The following SERPING1 variants were observed in gnomAD, a reference collection of about 807,000 sequenced individuals.
SERPING1 encodes serpin family G member 1.
In SERPING1, 5 loss-of-function variants were observed where a neutral mutation model predicts 34.1. That is an observed-to-expected ratio of 0.15 (90% CI 0.08 to 0.31). The LOEUF (loss-of-function observed/expected upper bound fraction) is 0.31. SERPING1 is among the 10% of genes least tolerant of loss of function. SERPING1 has a pLI of 1.00. For synonymous variants in SERPING1, 225 were observed against 242.4 expected, an observed-to-expected ratio of 0.93 and a Z score of 0.67; for missense variants, 505 against 609.5, an observed-to-expected ratio of 0.83 and a Z score of 1.81.
chr11:57,612,403 CTTT>C (rs1175159358), intron 7 of SERPING1, among the ~76,000 whole-genome samples: 6 of 135,202 alleles, frequency 4.4e-5, no homozygotes, highest in Non-Finnish European at 3.2e-5. Flanking sequence ...ACTCCATTTT[CTTT>C]TTTTTTTTTT....
intron 1 of SERPING1, 59 bp from the exon 2 acceptor site, chr11:57,598,190 G>C: frequency 7.2e-7 from 1 of 1,392,020 alleles, no homozygotes; most frequent in South Asian, 1.3e-5. Flanking sequence ...CCCCGGGCGG[G>C]GTGGGGGCCC....
intron 4 of SERPING1, among the ~76,000 whole-genome samples, chr11:57,603,233 C>CAA (rs1450085486): frequency 8.2e-6 from 1 of 122,168 alleles, no homozygotes; most frequent in African/African-American, 3.0e-5. Context: ...AACTCTGTCT[C>CAA]AAAAAAAAAA....
intron 7 of SERPING1, among the ~76,000 whole-genome samples, chr11:57,612,795 A>G (rs1359851370): frequency 6.6e-6 from 1 of 151,770 alleles, no homozygotes; most frequent in Non-Finnish European, 1.5e-5. Context: ...CCCAGGCTGG[A>G]GCGCAGTGGC....
chr11:57,612,695 G>A (rs1325082502), intron 7 of SERPING1, among the ~76,000 whole-genome samples: 1 of 151,834 alleles, frequency 6.6e-6, no homozygotes, highest in African/African-American at 2.4e-5. Flanking sequence ...GGGATTACAG[G>A]CATGAGTCAC....
At chr11:57,604,368 T>C (rs1256719607) in intron 4 of SERPING1, among the ~76,000 whole-genome samples, 1 of 152,118 alleles carries the variant, frequency 6.6e-6, no homozygotes, top group Non-Finnish European at 1.5e-5. Context: ...TACAAAACGA[T>C]CCAATGTAGT....
Position 57,604,824 on chromosome 11 carries a change from G to A in SERPING1, c.686-1186G>A, listed in dbSNP as rs189063410. Reference sequence around the variant, plus strand: ...TCGAGACTAGCCTCTGGGCAACATAGACAGACCTCATCTCTACAAAAAATT... The same window carrying A: ...TCGAGACTAGCCTCTGGGCAACATAAACAGACCTCATCTCTACAAAAAATT... On this transcript the variant is annotated intron_variant, in intron 4 of 7. Coordinates refer to ENST00000278407, the MANE Select transcript of SERPING1 (RefSeq NM_000062.3). Among the ~76,000 whole-genome samples the A allele has an allele frequency of 5.8e-4, 88 of 151,832 alleles. 1 individual carries two copies. The highest frequency in any genetic ancestry group is 1.6e-3 in the Admixed American group (25 of 15,246).
chr11:57,604,947 G>A (rs540058113), intron 4 of SERPING1, among the ~76,000 whole-genome samples: 136 of 151,862 alleles, frequency 9.0e-4, no homozygotes, highest in Non-Finnish European at 1.5e-3. Context: ...GTTAGAGTGA[G>A]CTATGTTTAT....
intron 7 of SERPING1, 135 bp downstream of exon 7, chr11:57,612,071 G>A: frequency 2.6e-6 from 2 of 782,454 alleles, no homozygotes; most frequent in Non-Finnish European, 4.4e-6. Context: ...GCAAGTTAGA[G>A]GGGTAGGTGC....
chr11:57,610,298 T>A (rs910259392), intron 6 of SERPING1, among the ~76,000 whole-genome samples: 3 of 152,098 alleles, frequency 2.0e-5, no homozygotes, highest in African/African-American at 7.2e-5. Flanking sequence ...AGGAAGGGGG[T>A]GAGATTTACC....
chr11:57,603,510 G>A (rs770728981), intron 4 of SERPING1, among the ~76,000 whole-genome samples: 2 of 149,830 alleles, frequency 1.3e-5, no homozygotes, highest in Non-Finnish European at 3.0e-5. Context: ...TCGCGCCACT[G>A]CACTCCAGCC....
chr11:57,612,454 G>T (rs1396203975), intron 7 of SERPING1, among the ~76,000 whole-genome samples: 2 of 150,478 alleles, frequency 1.3e-5, no homozygotes, highest in African/African-American at 4.9e-5. Context: ...CCCAGGACAG[G>T]CTGGAGTGCA....
At chr11:57,607,168 A>T (rs1405349152) in intron 6 of SERPING1, among the ~76,000 whole-genome samples, 1 of 152,200 alleles carries the variant, frequency 6.6e-6, no homozygotes. Context: ...ACAGTAAGAG[A>T]CAATGTCTCA....
intron 7 of SERPING1, among the ~76,000 whole-genome samples, chr11:57,612,830 C>T (rs543670461): frequency 1.3e-5 from 2 of 152,086 alleles, no homozygotes; most frequent in South Asian, 2.1e-4. Context: ...CTGCAACCTC[C>T]GCCTCCTGGG....
chr11:57,602,083 C>A lies in SERPING1; in HGVS notation c.599C>A (p.Pro200His), dbSNP rs1362220560. ...AACCTGGAGAGCATCCTCTCTTACC[C>A]CAAGGACTTCACCTGTGTCCACCAG... ...KTNLESILSY[P>H]KDFTCVHQAL... Residue 200 changes from proline (P) to histidine (H), a missense_variant, in exon 4 of 8, where the codon CCC becomes CAC. Coordinates refer to ENST00000278407, the MANE Select transcript of SERPING1 (RefSeq NM_000062.3). The A allele has an allele frequency of 1.1e-5, 18 of 1,614,006 alleles. No homozygotes were observed. Among genetic ancestry groups the A allele is most frequent in the Non-Finnish European group, 1.5e-5 (18 of 1,180,016 alleles).
At chr11:57,608,082 G>A (rs1319099081) in intron 6 of SERPING1, among the ~76,000 whole-genome samples, 1 of 152,196 alleles carries the variant, frequency 6.6e-6, no homozygotes, top group Non-Finnish European at 1.5e-5. Flanking sequence ...AACCAGGACA[G>A]CCTGTATAAG....
At position 57,606,185 on chromosome 11, in the gene SERPING1, T is replaced by A. The variant is rs1168780672; in HGVS notation, c.861T>A (p.Leu287=). The change falls in exon 5 of 8, where the codon CTT becomes CTA. Residue 287 remains leucine, a synonymous_variant. Coordinates refer to ENST00000278407, the MANE Select transcript of SERPING1 (RefSeq NM_000062.3). ...ACAGTCTGCCCTCCGATACCCGCCT[T>A]GTCCTCCTCAATGCTATCTACCTGA... is the stretch of plus-strand genomic sequence containing the variant. The part of the protein sequence containing the change: ...LLDSLPSDTR[L]VLLNAIYLSA... 1.2e-5 allele frequency: 19 copies of A among 1,614,042 alleles called. No homozygotes were observed. Among genetic ancestry groups the A allele is most frequent in the Non-Finnish European group, 1.6e-5 (19 of 1,180,026 alleles).
intron 7 of SERPING1, among the ~76,000 whole-genome samples, 157 bp from the exon 8 acceptor site, chr11:57,614,171 G>A (rs1945509763): frequency 6.6e-6 from 1 of 152,044 alleles, no homozygotes; most frequent in Non-Finnish European, 1.5e-5. Flanking sequence ...AGGATCCCAC[G>A]AACTGCCAGA....
rs1392305191 is a variant in SERPING1, at chr11:57,606,180, C to G, written c.856C>G (p.Arg286Gly). 6.2e-7 allele frequency: 1 copy of G among 1,614,192 alleles called. No individual in the cohort carries two copies. The highest frequency in any genetic ancestry group is 1.1e-5 in the South Asian group (1 of 91,092). Reference protein sequence around the residue: ...RLLDSLPSDTRLVLLNAIYLS... With the variant: ...RLLDSLPSDTGLVLLNAIYLS... ...GCTAGACAGTCTGCCCTCCGATACC[C>G]GCCTTGTCCTCCTCAATGCTATCTA... Residue 286 changes from arginine to glycine, a missense_variant, in exon 5 of 8, where the codon CGC becomes GGC. By Grantham distance (125) the Arg-to-Gly change is moderately radical (BLOSUM62 -2). Transcript: ENST00000278407.
At position 57,606,160 on chromosome 11, in the gene SERPING1, A is replaced by C. The variant is rs1178615272; in HGVS notation, c.836A>C (p.Asp279Ala). 6.2e-7 allele frequency: 1 copy of C among 1,613,982 alleles called. No individual in the cohort carries two copies. The highest frequency in any genetic ancestry group is 8.5e-7 in the Non-Finnish European group (1 of 1,180,008). ...NTNNKISRLL[D>A]SLPSDTRLVL... ...AACAACAAGATCAGCCGGCTGCTAG[A>C]CAGTCTGCCCTCCGATACCCGCCTT... Residue 279 changes from aspartate to alanine, a missense_variant, in exon 5 of 8, where the codon GAC becomes GCC. Asp to Ala is a moderately radical substitution (Grantham distance 126). Transcript: ENST00000278407.
Sources: gnomAD v4.1 joint callset for allele counts (sites outside exome capture counted in the v4.1 genomes callset) on GRCh38, gnomAD v4.1.1 for gene constraint, MANE v1.5 for transcripts, NCBI Gene and HGNC (gene_info 2026-07-23, HGNC 2026-07-21) for gene names.